Variants in NME7 observed in about 807,000 individuals in gnomAD.
NME7 encodes the protein nucleoside diphosphate kinase 7.
In NME7, 41 loss-of-function variants were observed where a neutral mutation model predicts 49.1. That is an observed-to-expected ratio of 0.83 (90% CI 0.65 to 1.08). The LOEUF is 1.08. Ranked by LOEUF, NME7 falls within the 50% of genes least tolerant of loss-of-function variation. The pLI is 0.00. For missense variants in NME7, 423 were observed against 463.4 expected, an observed-to-expected ratio of 0.91 and a Z score of 0.80; for synonymous variants, 139 against 150.6, an observed-to-expected ratio of 0.92 and a Z score of 0.56.
intron 10 of NME7, among the ~76,000 whole-genome samples, chr1:169,186,026 A>C (rs781522788): frequency 2.0e-5 from 3 of 152,134 alleles, no homozygotes; most frequent in Admixed American, 6.6e-5. Context: ...ACCAGTATTT[A>C]TAAAATACAC....
At chr1:169,290,894 C>T (rs1481927158) in intron 6 of NME7, among the ~76,000 whole-genome samples, 2 of 152,106 alleles carry the variant, frequency 1.3e-5, no homozygotes, top group South Asian at 4.1e-4. Flanking sequence ...GACATTTATG[C>T]AGCCAACATA....
chr1:169,314,003 G>T (rs1651512361), intron 3 of NME7, among the ~76,000 whole-genome samples: 1 of 151,964 alleles, frequency 6.6e-6, no homozygotes, highest in Non-Finnish European at 1.5e-5. Flanking sequence ...GAAACAAAAA[G>T]ATACAACAGA....
chr1:169,187,873 A>T (rs915280399), intron 10 of NME7, among the ~76,000 whole-genome samples: 2 of 152,158 alleles, frequency 1.3e-5, no homozygotes, highest in African/African-American at 4.8e-5. Flanking sequence ...ATGTTTTTGC[A>T]GTGGCTGGTA....
intron 2 of NME7, 53 bp downstream of exon 2, chr1:169,324,340 G>C: frequency 9.0e-7 from 1 of 1,111,282 alleles, no homozygotes; most frequent in Non-Finnish European, 1.4e-6. Flanking sequence ...AAAGGCAATG[G>C]TTCCCATGTT....
chr1:169,338,326 G>GA (rs1446731532), intron 1 of NME7, among the ~76,000 whole-genome samples: 1 of 152,070 alleles, frequency 6.6e-6, no homozygotes, highest in Non-Finnish European at 1.5e-5. Flanking sequence ...TGTGTTTACA[G>GA]AAAAAAGTCA....
chr1:169,355,292 G>T (rs925184938), intron 1 of NME7, among the ~76,000 whole-genome samples: 10 of 88,344 alleles, frequency 1.1e-4, no homozygotes, highest in African/African-American at 1.9e-4. Context: ...ATAATATATT[G>T]TATATTATAT....
rs141605029 is a variant in NME7, at chr1:169,288,928, T to C, written c.649-1520A>G. ...GTAGAAGTGGTGTGACAAGAGAATA[T>C]GATAGAGTAGCAAACTAGAAAGGGC... is the stretch of plus-strand genomic sequence containing the variant. On this transcript the variant is annotated intron_variant, in intron 6 of 11. Coordinates refer to ENST00000367811, the MANE Select transcript of NME7 (RefSeq NM_013330.5). 5.3e-5 allele frequency among the ~76,000 whole-genome samples: 8 copies of C among 152,250 alleles called. No individual in the cohort carries two copies. In the East Asian group the frequency reaches 9.7e-4, roughly 18 times the overall value.
chr1:169,185,157 C>A (rs1660033137), intron 10 of NME7, among the ~76,000 whole-genome samples: 1 of 152,158 alleles, frequency 6.6e-6, no homozygotes, highest in Admixed American at 6.5e-5. Flanking sequence ...CAGCATGATA[C>A]AATTTCTTCC....
At chr1:169,176,546 G>A (rs1037444036) in intron 10 of NME7, among the ~76,000 whole-genome samples, 3 of 152,000 alleles carry the variant, frequency 2.0e-5, no homozygotes, top group Non-Finnish European at 4.4e-5. Context: ...TGTTATTTCA[G>A]GTGAAATATT....
At chr1:169,136,381 C>A (rs1307462662) in intron 11 of NME7, among the ~76,000 whole-genome samples, 1 of 152,168 alleles carries the variant, frequency 6.6e-6, no homozygotes, top group Admixed American at 6.5e-5. Context: ...ATGGAGAAGT[C>A]CATGCCTACC....
chr1:169,323,046 C>A, intron 3 of NME7, 71 bp downstream of exon 3: 1 of 1,253,536 alleles, frequency 8.0e-7, no homozygotes, highest in Non-Finnish European at 1.1e-6. Flanking sequence ...TACATACTCC[C>A]AGTCTTGATT....
intron 7 of NME7, among the ~76,000 whole-genome samples, chr1:169,246,412 T>C (rs1314936748): frequency 6.6e-6 from 1 of 152,178 alleles, no homozygotes; most frequent in African/African-American, 2.4e-5. Context: ...AATTAATCCA[T>C]CAGGTGATCA....
intron 11 of NME7, among the ~76,000 whole-genome samples, chr1:169,140,181 T>C (rs1159689576): frequency 6.6e-6 from 1 of 152,206 alleles, no homozygotes; most frequent in Non-Finnish European, 1.5e-5. Flanking sequence ...TGGTAAAATA[T>C]TAACATTTGG....
At chr1:169,152,820 T>G (rs1188601266) in intron 11 of NME7, among the ~76,000 whole-genome samples, 1 of 152,156 alleles carries the variant, frequency 6.6e-6, no homozygotes, top group Non-Finnish European at 1.5e-5. Context: ...GGTTAAAGTT[T>G]TGGAACCTTT....
At chr1:169,283,923 TC>T (rs1650151817) in intron 7 of NME7, 1 of 152,136 alleles carries the variant, frequency 6.6e-6, no homozygotes, top group African/African-American at 2.4e-5. Context: ...TGATTATGTG[TC>T]TTGGGGTTGC....
chr1:169,262,754 G>C (rs67779898), intron 7 of NME7, among the ~76,000 whole-genome samples: 11,905 of 133,236 alleles, frequency 0.089, 3,218 homozygotes, highest in East Asian at 0.75. Flanking sequence ...GAGAAGGAGA[G>C]AATCAACCTG....
chr1:169,178,816 TC>T (rs1659840654), intron 10 of NME7, among the ~76,000 whole-genome samples: 1 of 111,734 alleles, frequency 8.9e-6, no homozygotes, highest in African/African-American at 3.1e-5. Flanking sequence ...AGCTGAAACC[TC>T]TTCTTTTTTT....
chr1:169,233,917 CT>C (rs962703498), intron 9 of NME7, among the ~76,000 whole-genome samples: 4 of 151,828 alleles, frequency 2.6e-5, no homozygotes, highest in South Asian at 4.2e-4. Flanking sequence ...CCTCTCCCTC[CT>C]TTTTTTCCTT....
In NME7 at chr1:169,140,993, G is replaced by A. The variant is rs76764430; in HGVS notation, c.1099-8176C>T. ...CCACTGCCCTAGTATTGTTTATAAG[G>A]ACTAAATAAGATCCTTTATACATAG... On this transcript the variant is annotated intron_variant, in intron 11 of 11. Transcript: ENST00000367811. Among the ~76,000 whole-genome samples, 234 of 152,180 alleles carry A rather than the reference G, an allele frequency of 1.5e-3. 1 individual carries two copies. The highest frequency in any genetic ancestry group is 5.5e-3 in the African/African-American group (229 of 41,520).
Sources: gnomAD v4.1 joint callset for allele counts (sites outside exome capture counted in the v4.1 genomes callset) on GRCh38, gnomAD v4.1.1 for gene constraint, MANE v1.5 for transcripts, NCBI Gene and HGNC (gene_info 2026-07-23, HGNC 2026-07-21) for gene names.